ADGRE3: variants seen among roughly 807,000 people sequenced by gnomAD.
The protein encoded by ADGRE3 is adhesion G protein-coupled receptor E3.
A neutral mutation model predicts 80.1 loss-of-function variants in ADGRE3; 88 were observed. The observed-to-expected ratio is 1.10, with a 90% CI of 0.93 to 1.31. ADGRE3 has a LOEUF of 1.31. Ranked by LOEUF, ADGRE3 falls within the 40% of genes most tolerant of loss-of-function variation. The probability of loss-of-function intolerance (pLI) is 0.00; values close to 1 mark genes in which losing one functional copy is unlikely to be tolerated. For missense variants in ADGRE3, 715 were observed against 776.5 expected (o/e 0.92, Z 0.94); for synonymous variants, 281 against 294.8 (o/e 0.95, Z 0.48).
intron 7 of ADGRE3, among the ~76,000 whole-genome samples, chr19:14,647,724 T>C (rs1223924272): frequency 1.3e-5 from 2 of 151,522 alleles, no homozygotes; most frequent in East Asian, 4.0e-4. Context: ...GGTCTGCCGT[T>C]TTTTAGAAGA....
intron 7 of ADGRE3, 130 bp from the exon 8 acceptor site, chr19:14,647,495 C>T (rs1006328882): frequency 7.7e-6 from 5 of 645,260 alleles, no homozygotes; most frequent in African/African-American, 7.5e-5. Flanking sequence ...TGGCTCACTG[C>T]AACCTCCGCC....
chr19:14,612,456 T>A, the ADGRE3 span, among the ~76,000 whole-genome samples: 1 of 152,006 alleles, frequency 6.6e-6, no homozygotes, highest in South Asian at 2.1e-4. Flanking sequence ...CGCCTCAGCC[T>A]CCTGAGTAGC....
chr19:14,622,278 T>C, intron 15 of ADGRE3: 1 of 625,774 alleles, frequency 1.6e-6, no homozygotes, highest in Non-Finnish European at 2.6e-6. Flanking sequence ...TTGAAAATAA[T>C]GTTGTAATTC....
intron 10 of ADGRE3, among the ~76,000 whole-genome samples, chr19:14,639,178 C>T (rs117666474): frequency 3.3e-3 from 505 of 152,160 alleles, no homozygotes; most frequent in Middle Eastern, 0.014. Context: ...AAGCATGAAC[C>T]GCCACCCCAG....
chr19:14,605,430 G>A, the ADGRE3 span, among the ~76,000 whole-genome samples: 21,698 of 152,050 alleles, frequency 0.14, 1,683 homozygotes, highest in East Asian at 0.21. Flanking sequence ...TGGTTTGGTG[G>A]TAAGTTGGGT....
intron 5 of ADGRE3, among the ~76,000 whole-genome samples, chr19:14,657,424 C>T (rs1395753721): frequency 6.6e-6 from 1 of 151,970 alleles, no homozygotes; most frequent in African/African-American, 2.4e-5. Context: ...CTCTCTTGGC[C>T]TGTCTTTCTT....
Position 14,671,609 on chromosome 19 carries a change from T to C in ADGRE3, c.26-2757A>G, listed in dbSNP as rs192518406. 5.3e-3 allele frequency among the ~76,000 whole-genome samples: 807 copies of C among 152,260 alleles called. 6 individuals are homozygous for C. The highest frequency in any genetic ancestry group is 8.1e-3 in the Admixed American group (123 of 15,278). On this transcript the variant is annotated intron_variant, in intron 1 of 15. Coordinates refer to ENST00000253673, the MANE Select transcript of ADGRE3 (RefSeq NM_032571.5). ...CCAGGGATTAGGATGTGGATGTCTC[T>C]GGGGGGACTGTTATTTTTCTTCCTG...
the ADGRE3 span, among the ~76,000 whole-genome samples, chr19:14,609,247 TG>T: frequency 6.6e-6 from 1 of 152,184 alleles, no homozygotes; most frequent in African/African-American, 2.4e-5. Context: ...GGACCCCTTG[TG>T]ACAAGTTGGG....
At chr19:14,645,899 G>A (rs1005323081) in intron 8 of ADGRE3, among the ~76,000 whole-genome samples, 3 of 152,112 alleles carry the variant, frequency 2.0e-5, no homozygotes, top group African/African-American at 7.2e-5. Context: ...TTGAGCCCAG[G>A]AGTCCGAGGC....
At chr19:14,627,921 GA>G (rs1049945324) in intron 14 of ADGRE3, among the ~76,000 whole-genome samples, 1 of 151,954 alleles carries the variant, frequency 6.6e-6, no homozygotes. Flanking sequence ...CTGAGGTCGG[GA>G]GTTCGAGACC....
At chr19:14,615,707 A>G (rs980299853), downstream of ADGRE3, among the ~76,000 whole-genome samples, 13 of 150,752 alleles carry the variant, frequency 8.6e-5, no homozygotes. Context: ...AGTTACAGTG[A>G]GCTGAGATTA....
rs1970638247 is a variant in ADGRE3 at position 14,623,285 on chromosome 19, TAAAAAAAAAAAAATAAAA to T, written c.1920+2189_1920+2206del. Among the ~76,000 whole-genome samples the T allele has an allele frequency of 6.3e-5, 3 of 47,364 alleles. 1 individual carries two copies. Among genetic ancestry groups the T allele is most frequent in the South Asian group, 1.2e-3 (2 of 1,650 alleles). 31.1% of individuals were successfully genotyped at this position (47,364 alleles called of 152,430 possible). ...ATTTATTAAATATGCCTAAAATACT[TAAAAAAAAAAAAATAAAA>T]AAAAAAAAAAATAAAACTCCTGGAC... On this transcript the variant is annotated intron_variant, in intron 15 of 15. Coordinates refer to ENST00000253673, the MANE Select transcript of ADGRE3 (RefSeq NM_032571.5).
chr19:14,631,020 C>T (rs778998126), intron 13 of ADGRE3, among the ~76,000 whole-genome samples: 5 of 151,802 alleles, frequency 3.3e-5, no homozygotes, highest in African/African-American at 4.8e-5. Context: ...ATTACAGGCA[C>T]GTCACCACAC....
At position 14,638,125 on chromosome 19, in the gene ADGRE3, G is replaced by A. The variant is rs371645604; in HGVS notation, c.1464C>T (p.His488=). The A allele has an allele frequency of 2.0e-5, 33 of 1,613,842 alleles. No individual in the cohort carries two copies. Among genetic ancestry groups the A allele is most frequent in the Non-Finnish European group, 2.5e-5 (29 of 1,179,848 alleles). The change falls in exon 11 of 16, where the codon CAC becomes CAT. Residue 488 remains histidine (H), a synonymous_variant. Coordinates refer to ENST00000253673, the MANE Select transcript of ADGRE3 (RefSeq NM_032571.5). ...TVAISAASWP[H]LYGTADRCWL... is the part of the protein sequence containing the mutation. ...CTCACCGATCAGCAGTTCCATAAAG[G>A]TGAGGCCAGGAGGCTGCAGAAATGG...
In ADGRE3 at chr19:14,633,302, T is replaced by C. The variant is rs1970935868; in HGVS notation, c.1485A>G (p.Arg495=). The C allele has an allele frequency of 6.2e-7, 1 of 1,610,544 alleles. No individual in the cohort carries two copies. Among genetic ancestry groups the C allele is most frequent in the Admixed American group, 1.7e-5 (1 of 59,548 alleles). ...SWPHLYGTAD[R]CWLHLDQGFM... ...ATCCCTGGTCCAGGTGGAGCCAGCA[T>C]CTAGGAACAGTGGGAAAAGAGATAC... is the stretch of plus-strand genomic sequence containing the variant. Residue 495 remains arginine (R), a splice_region_variant and synonymous_variant, in exon 12 of 16, where the codon CGA becomes CGG. Transcript: ENST00000253673.
At position 14,632,933 on chromosome 19, in the gene ADGRE3, A is replaced by T; in HGVS notation, c.1631T>A (p.Ile544Asn). Residue 544 changes from isoleucine to asparagine, a missense_variant, in exon 13 of 16, where the codon ATC becomes AAC. Coordinates refer to ENST00000253673, the MANE Select transcript of ADGRE3 (RefSeq NM_032571.5). ...LSSLNSEVST[I>N]QNTRMLAFKA... is the part of the protein sequence containing the mutation. ...TGTCACATCCTACCTTGTGTTCTGG[A>T]TGGTTGACACTTCACTATTGAGGGA... is the stretch of plus-strand genomic sequence containing the variant. 1.2e-6 allele frequency: 2 copies of T among 1,610,062 alleles called. No homozygotes were observed. The highest frequency in any genetic ancestry group is 1.7e-6 in the Non-Finnish European group (2 of 1,176,350).
At chr19:14,644,605 A>AGCC (rs1971349302) in intron 8 of ADGRE3, among the ~76,000 whole-genome samples, 1 of 151,416 alleles carries the variant, frequency 6.6e-6, no homozygotes. Context: ...TACAGGCATG[A>AGCC]GCCACTGCAT....
chr19:14,665,873 A>G (rs1278633032), intron 2 of ADGRE3, among the ~76,000 whole-genome samples: 1 of 144,664 alleles, frequency 6.9e-6, no homozygotes, highest in Non-Finnish European at 1.5e-5. Context: ...AACATAATAT[A>G]TAATTATATA....
In ADGRE3 at chr19:14,662,039, G is replaced by A; in HGVS notation, c.279C>T (p.Tyr93=). 6.2e-7 allele frequency: 1 copy of A among 1,614,020 alleles called. No individual in the cohort carries two copies. Among genetic ancestry groups the A allele is most frequent in the South Asian group, 1.1e-5 (1 of 91,088 alleles). The part of the protein sequence containing the change: ...AVCYNVEGSF[Y]CQCVPGYRLH... ...GTCTATATCCTGGGACACATTGACA[G>A]TAGAAACTTCCTTCGACATTGTAAC... Residue 93 remains tyrosine, a synonymous_variant, in exon 4 of 16, where the codon TAC becomes TAT. Transcript: ENST00000253673.
Sources: gnomAD v4.1 joint callset for allele counts (sites outside exome capture counted in the v4.1 genomes callset) on GRCh38, gnomAD v4.1.1 for gene constraint, MANE v1.5 for transcripts, NCBI Gene and HGNC (gene_info 2026-07-23, HGNC 2026-07-21) for gene names.